The following NUDT4 variants were observed in gnomAD, a reference collection of about 807,000 sequenced individuals.
The protein encoded by NUDT4 is diphosphoinositol polyphosphate phosphohydrolase 2.
Under a neutral mutation model 23.1 loss-of-function variants are expected in NUDT4, and 5 were observed. That is an observed-to-expected ratio of 0.22 (90% CI 0.11 to 0.46). The LOEUF (loss-of-function observed/expected upper bound fraction) is 0.46. Ranked by LOEUF, NUDT4 falls within the 20% of genes least tolerant of loss-of-function variation. The pLI is 0.99. For synonymous variants in NUDT4, 50 were observed against 79.0 expected (o/e 0.63, Z 1.95); for missense variants, 96 against 211.6 (o/e 0.45, Z 3.39).
chr12:93,395,268 G>A (rs1485594129), intron 2 of NUDT4, among the ~76,000 whole-genome samples: 1 of 152,174 alleles, frequency 6.6e-6, no homozygotes, highest in Non-Finnish European at 1.5e-5. Flanking sequence ...TTACAGACAT[G>A]AGCCACAGCG....
chr12:93,392,254 C>CCCCT (rs1491375744), intron 1 of NUDT4, among the ~76,000 whole-genome samples: 4 of 104,664 alleles, frequency 3.8e-5, no homozygotes, highest in South Asian at 6.8e-4. Context: ...CCCCCCCCCC[C>CCCCT]TTTTTTTTTT....
At position 93,404,776 on chromosome 12, in the gene NUDT4, C is replaced by T. The variant is rs560234693; in HGVS notation, c.*5397C>T. ...ACAGATTGTAGATTTTGTTTTTAAACGCCTGTATGGTTTAAAAAATGTTTT... is the reference window on the plus strand; with the variant it reads ...ACAGATTGTAGATTTTGTTTTTAAATGCCTGTATGGTTTAAAAAATGTTTT... On this transcript the variant is annotated 3_prime_UTR_variant, in exon 5 of 5. Coordinates refer to ENST00000415493, the MANE Select transcript of NUDT4 (RefSeq NM_019094.6). 5.3e-5 allele frequency: 8 copies of T among 152,188 alleles called. No individual in the cohort carries two copies. The highest frequency in any genetic ancestry group is 4.1e-4 in the South Asian group (2 of 4,826). The allele number at this position is 152,188 out of a possible 1,614,324, so 9.4% of individuals were successfully genotyped here. A position where few individuals can be genotyped will look rare whatever the true frequency, so the allele number is the denominator to read the frequency against.
intron 1 of NUDT4, among the ~76,000 whole-genome samples, chr12:93,392,256 T>C (rs1182384497): frequency 2.3e-4 from 26 of 112,028 alleles, no homozygotes; most frequent in South Asian, 3.6e-4. Context: ...CCCCCCCCCT[T>C]TTTTTTTTCC....
In NUDT4 at chr12:93,407,477, G is replaced by A. The variant is rs536556825; in HGVS notation, c.*8098G>A. ...ATTACAAAGTCAAAGGCTTACAAGG[G>A]GGAAGGACTAGCAGGTGTGCTCGGA... On this transcript the variant is annotated 3_prime_UTR_variant, in exon 5 of 5. Transcript: ENST00000415493. 2.0e-5 allele frequency: 3 copies of A among 152,326 alleles called. No individual in the cohort carries two copies. The highest frequency in any genetic ancestry group is 7.2e-5 in the African/African-American group (3 of 41,546). 9.4% of individuals were successfully genotyped at this position (152,326 alleles called of 1,614,324 possible).
Position 93,404,666 on chromosome 12 carries a change from G to A in NUDT4, c.*5287G>A, listed in dbSNP as rs1877702046. On this transcript the variant is annotated 3_prime_UTR_variant, in exon 5 of 5. Transcript: ENST00000415493. Reference sequence around the variant, plus strand: ...AGTCCTTTCAATAGTGATTGAAAAAGGCAGAACACTACTAGACAGAACTAC... The same window carrying A: ...AGTCCTTTCAATAGTGATTGAAAAAAGCAGAACACTACTAGACAGAACTAC... The A allele has an allele frequency of 6.6e-6, 1 of 152,144 alleles. No homozygotes were observed. The highest frequency in any genetic ancestry group is 6.5e-5 in the Admixed American group (1 of 15,284). 9.4% of individuals were successfully genotyped at this position (152,144 alleles called of 1,614,324 possible).
intron 1 of NUDT4, among the ~76,000 whole-genome samples, chr12:93,385,970 T>TATATATATATATATATATATATACAC (rs1243696865): frequency 8.4e-6 from 1 of 118,624 alleles, no homozygotes; most frequent in Non-Finnish European, 1.8e-5. Flanking sequence ...TATATATATA[T>TATATATATATATATATATATATACAC]ACATAATTTT....
chr12:93,378,820 C>T, intron 1 of NUDT4: 2 of 989,782 alleles, frequency 2.0e-6, no homozygotes, highest in African/African-American at 1.7e-5. Flanking sequence ...CCTTGTGCCT[C>T]TTTTACATAT....
At chr12:93,398,522 G>T (rs1399826246) in intron 3 of NUDT4, among the ~76,000 whole-genome samples, 1 of 152,050 alleles carries the variant, frequency 6.6e-6, no homozygotes, top group African/African-American at 2.4e-5. Flanking sequence ...TACAAAAAAA[G>T]TAGTATTGAG....
intron 1 of NUDT4, among the ~76,000 whole-genome samples, chr12:93,381,519 T>C (rs1027856258): frequency 2.0e-5 from 3 of 152,162 alleles, no homozygotes; most frequent in Admixed American, 6.5e-5. Context: ...AATCATTCTG[T>C]AGGGAAAGGT....
At chr12:93,392,042 C>T (rs1470121626) in intron 1 of NUDT4, among the ~76,000 whole-genome samples, 2 of 151,894 alleles carry the variant, frequency 1.3e-5, no homozygotes, top group Non-Finnish European at 2.9e-5. Context: ...TGCTACCACA[C>T]CCAGCTAATT....
At chr12:93,379,707 G>T (rs1231482898) in intron 1 of NUDT4, among the ~76,000 whole-genome samples, 1 of 152,152 alleles carries the variant, frequency 6.6e-6, no homozygotes, top group African/African-American at 2.4e-5. Context: ...TTTGAGATGG[G>T]TCTGCTTAGG....
At chr12:93,398,942 C>G in intron 4 of NUDT4, 87 bp downstream of exon 4, 1 of 985,380 alleles carries the variant, frequency 1.0e-6, no homozygotes, top group Admixed American at 2.4e-5. Context: ...CTTTTGTTAT[C>G]TGAATACTCT....
intron 1 of NUDT4, among the ~76,000 whole-genome samples, chr12:93,389,387 G>A (rs1249409532): frequency 1.3e-5 from 2 of 151,670 alleles, no homozygotes; most frequent in African/African-American, 4.9e-5. Context: ...CAGGAGAATC[G>A]CTTGAACCGG....
chr12:93,379,287 A>G (rs528147826), intron 1 of NUDT4, among the ~76,000 whole-genome samples: 1 of 152,174 alleles, frequency 6.6e-6, no homozygotes, highest in Non-Finnish European at 1.5e-5. Flanking sequence ...ATTCAGTAGT[A>G]TTTATTTAAA....
chr12:93,378,614 C>T (rs2120831445), intron 1 of NUDT4, 193 bp downstream of exon 1: 1 of 1,238,534 alleles, frequency 8.1e-7, no homozygotes, highest in South Asian at 3.0e-5. Context: ...ATAGATGAGA[C>T]AAAGGGGGCT....
At chr12:93,385,940 T>TATATATATATATATATATATATATATA (rs1565777274) in intron 1 of NUDT4, among the ~76,000 whole-genome samples, 2 of 72,222 alleles carry the variant, frequency 2.8e-5, no homozygotes, top group African/African-American at 6.4e-5. Flanking sequence ...AGTAAATCTT[T>TATATATATATATATATATATATATATA]TTATATATAT....
At chr12:93,398,338 CAAAAAA>C (rs34651915) in intron 3 of NUDT4, among the ~76,000 whole-genome samples, 7 of 75,284 alleles carry the variant, frequency 9.3e-5, no homozygotes, top group African/African-American at 2.4e-4. Context: ...CTCCCTGTCT[CAAAAAA>C]AAAAAAAAAA....
At chr12:93,379,912 CT>C (rs1353464707) in intron 1 of NUDT4, among the ~76,000 whole-genome samples, 4 of 152,172 alleles carry the variant, frequency 2.6e-5, no homozygotes, top group African/African-American at 9.7e-5. Flanking sequence ...GTCTGGTTTC[CT>C]CAATATTGTG....
At position 93,378,463 on chromosome 12, in the gene NUDT4, G is replaced by C. The variant is rs988367865; in HGVS notation, c.99+42G>C. 4.0e-6 allele frequency: 6 copies of C among 1,508,388 alleles called. No individual in the cohort carries two copies. In the South Asian group the frequency reaches 6.2e-5, roughly 16 times the overall value. 93.4% of individuals were successfully genotyped at this position (1,508,388 alleles called of 1,614,324 possible). A position where few individuals can be genotyped will look rare whatever the true frequency, so the allele number is the denominator to read the frequency against. On this transcript the variant is annotated intron_variant, in intron 1 of 4. Transcript: ENST00000415493. ...CGCACGCTGCCCTCCGGGGCGCCGG[G>C]GTCTAGGGCCCGGGTGCTTCCCCTC... is the stretch of plus-strand genomic sequence containing the variant.
Sources: allele counts gnomAD v4.1 joint callset (sites outside exome capture counted in the v4.1 genomes callset), GRCh38; gene constraint gnomAD v4.1.1; transcripts MANE v1.5; gene names NCBI Gene and HGNC (gene_info 2026-07-23, HGNC 2026-07-21).